MIA2: variants seen among roughly 807,000 people sequenced by gnomAD.
MIA2 encodes the protein MIA SH3 domain ER export factor 2.
MIA2 carries 127 observed loss-of-function variants against 167.8 expected under a neutral mutation model. That is an observed-to-expected ratio of 0.76 (90% confidence interval 0.66 to 0.88). The LOEUF (loss-of-function observed/expected upper bound fraction) is 0.88, where lower values mean the gene tolerates loss of function less well. Among genes scored for constraint, MIA2 ranks in the 40% least tolerant of loss-of-function variants. The pLI, the probability that MIA2 is intolerant of heterozygous loss-of-function variation, is 0.00. For synonymous variants in MIA2, 552 were observed against 541.9 expected (o/e 1.02, Z -0.26); for missense variants, 1,690 against 1,624.7 (o/e 1.04, Z -0.69).
chr14:39,307,985 AAATT>A (rs889066906), intron 17 of MIA2, among the ~76,000 whole-genome samples: 5 of 152,160 alleles, frequency 3.3e-5, no homozygotes, highest in African/African-American at 1.2e-4. Flanking sequence ...AGCAGATACA[AAATT>A]ATAACTAGAT....
In MIA2 at chr14:39,348,967, TC is replaced by T; in HGVS notation, c.4064del (p.Pro1355HisfsTer4). ...PGDFPGPPPA[P>X]FAMRNVYPPR... ...GGGATTTCCCAGGTCCACCACCTGC[TC>T]CATTTGCAAGTATGCTTTTTTAAAC... On this transcript the variant is annotated frameshift_variant, in exon 28 of 29. Transcript: ENST00000640607. LOFTEE classifies it high-confidence loss of function. 6.2e-7 allele frequency: 1 copy of T among 1,613,146 alleles called. No individual in the cohort carries two copies.
At chr14:39,285,782 G>A (rs1273587109) in intron 9 of MIA2, among the ~76,000 whole-genome samples, 4 of 150,902 alleles carry the variant, frequency 2.7e-5, no homozygotes, top group Non-Finnish European at 5.9e-5. Flanking sequence ...GCTGCCGGGC[G>A]GAGGGGCTCC....
At chr14:39,268,252 A>G (rs2056388453) in intron 6 of MIA2, among the ~76,000 whole-genome samples, 1 of 152,126 alleles carries the variant, frequency 6.6e-6, no homozygotes, top group South Asian at 2.1e-4. Context: ...AGACCACTTA[A>G]TTATTGAGGC....
intron 7 of MIA2, among the ~76,000 whole-genome samples, chr14:39,277,518 C>G (rs890537555): frequency 4.7e-5 from 7 of 149,802 alleles, no homozygotes; most frequent in African/African-American, 1.7e-4. Flanking sequence ...AGAGAGAGAC[C>G]CTGTCTCAAA....
intron 26 of MIA2, 63 bp from the exon 27 acceptor site, chr14:39,347,650 G>T: frequency 6.5e-7 from 1 of 1,544,428 alleles, no homozygotes; most frequent in Non-Finnish European, 8.9e-7. Context: ...TTTGTGATCT[G>T]GAGATACTCT....
Position 39,277,744 on chromosome 14 carries a change from GTGTGTA to G in MIA2, c.2019+681_2019+686del, listed in dbSNP as rs1197541393. ...TGTATATATATATATATATATATATGTGTGTATATATATATATATATATATATATAT... is the reference window on the plus strand; with the variant it reads ...TGTATATATATATATATATATATATGTATATATATATATATATATATATAT... On this transcript the variant is annotated intron_variant, in intron 7 of 28. Coordinates refer to ENST00000640607, the MANE Select transcript of MIA2 (RefSeq NM_001329214.4). 1.8e-3 allele frequency among the ~76,000 whole-genome samples: 4 copies of G among 2,200 alleles called. 2 individuals carry two copies. The highest frequency in any genetic ancestry group is 6.5e-3 in the African/African-American group (4 of 620). The allele number at this position is 2,200 out of a possible 152,430, so 1.4% of individuals were successfully genotyped here.
At chr14:39,305,377 C>A (rs996127675) in intron 17 of MIA2, among the ~76,000 whole-genome samples, 2 of 152,184 alleles carry the variant, frequency 1.3e-5, no homozygotes, top group African/African-American at 4.8e-5. Context: ...GCCAGAGTGG[C>A]AAGGAAATTT....
intron 9 of MIA2, among the ~76,000 whole-genome samples, chr14:39,288,050 T>A (rs966390878): frequency 5.3e-5 from 8 of 152,172 alleles, no homozygotes; most frequent in African/African-American, 1.7e-4. Flanking sequence ...TTTTGCCATG[T>A]TGCACAGGCT....
intron 23 of MIA2, among the ~76,000 whole-genome samples, chr14:39,356,404 C>G (rs60921042): frequency 0.023 from 3,069 of 136,082 alleles, 106 homozygotes; most frequent in African/African-American, 0.084. Flanking sequence ...GTGATCTCCC[C>G]TTTATCATTT....
intron 9 of MIA2, among the ~76,000 whole-genome samples, chr14:39,281,590 C>T (rs1443538894): frequency 6.7e-6 from 1 of 149,404 alleles, no homozygotes; most frequent in Non-Finnish European, 1.5e-5. Flanking sequence ...ACACATTATG[C>T]TCTCTTATTT....
At chr14:39,366,025 G>A (rs939472966) in intron 23 of MIA2, among the ~76,000 whole-genome samples, 1 of 152,150 alleles carries the variant, frequency 6.6e-6, no homozygotes, top group Non-Finnish European at 1.5e-5. Flanking sequence ...GTTGGGTAGG[G>A]CACTTTAGCT....
intron 6 of MIA2, chr14:39,267,371 C>T (rs1200750163): frequency 1.3e-6 from 2 of 1,593,432 alleles, no homozygotes; most frequent in African/African-American, 1.4e-5. Flanking sequence ...GATTCGGGTT[C>T]CGGACCGAAG....
chr14:39,268,591 G>A lies in MIA2; in HGVS notation c.1888-8343G>A, dbSNP rs116721474. 9.0e-3 allele frequency among the ~76,000 whole-genome samples: 1,374 copies of A among 152,302 alleles called. 23 individuals carry two copies. Among genetic ancestry groups the A allele is most frequent in the African/African-American group, 0.032 (1,309 of 41,550 alleles). On this transcript the variant is annotated intron_variant, in intron 6 of 28. Coordinates refer to ENST00000640607, the MANE Select transcript of MIA2 (RefSeq NM_001329214.4). ...GTGATGGGCAATGATGCTTGCCGGA[G>A]ATGTAAGTAGGTTCCAAGTGCTGTA... is the stretch of plus-strand genomic sequence containing the variant.
At chr14:39,365,146 A>G (rs1289214488) in intron 23 of MIA2, among the ~76,000 whole-genome samples, 1 of 151,958 alleles carries the variant, frequency 6.6e-6, no homozygotes, top group Non-Finnish European at 1.5e-5. Flanking sequence ...GTTCACTGCA[A>G]CTTCCACCTC....
At position 39,291,030 on chromosome 14, in the gene MIA2, T is replaced by C. The variant is rs1254175726; in HGVS notation, c.2142T>C (p.Tyr714=). ...TTGCTTTGTTTCAGTATGAAGGCTA[T>C]GAAGTAGAGTCATCTTTAAAGGATG... ...FSLVQKEYEG[Y]EVESSLKDAS... is the part of the protein sequence containing the mutation. The change falls in exon 10 of 29, where the codon TAT becomes TAC. Residue 714 remains tyrosine, a synonymous_variant. Transcript: ENST00000640607. 6 of 1,607,282 alleles carry C rather than the reference T, an allele frequency of 3.7e-6. No individual in the cohort carries two copies. Among genetic ancestry groups the C allele is most frequent in the South Asian group, 1.1e-5 (1 of 89,238 alleles).
chr14:39,346,124 A>G, intron 26 of MIA2, 98 bp downstream of exon 26: 1 of 1,006,558 alleles, frequency 9.9e-7, no homozygotes. Flanking sequence ...TATCTCTAGT[A>G]GTTCCTAAGG....
rs1356242212 is a variant in MIA2, at chr14:39,267,521, G to A, written c.1888-9413G>A. The A allele has an allele frequency of 1.2e-6, 2 of 1,613,580 alleles. No individual in the cohort carries two copies. The highest frequency in any genetic ancestry group is 1.7e-6 in the Non-Finnish European group (2 of 1,179,948). On this transcript the variant is annotated intron_variant, in intron 6 of 28. Transcript: ENST00000640607. Reference sequence around the variant, plus strand: ...GGGCTGCTCCTGGAGGAGCTACGCAGGGTGAGCCCAGGCGCGATGAGTGTT... The same window carrying A: ...GGGCTGCTCCTGGAGGAGCTACGCAAGGTGAGCCCAGGCGCGATGAGTGTT...
intron 2 of MIA2, among the ~76,000 whole-genome samples, chr14:39,238,537 G>A (rs556843038): frequency 6.6e-6 from 1 of 151,788 alleles, no homozygotes; most frequent in African/African-American, 2.4e-5. Context: ...GCTCATGCCT[G>A]TAATATCAGC....
intron 25 of MIA2, 105 bp from the exon 26 acceptor site, chr14:39,345,799 T>G: frequency 2.3e-6 from 2 of 872,652 alleles, no homozygotes; most frequent in Non-Finnish European, 3.5e-6. Flanking sequence ...ATGATGAGTT[T>G]AAGTGTTAGA....
Sources: allele counts gnomAD v4.1 joint callset (sites outside exome capture counted in the v4.1 genomes callset), GRCh38; gene constraint gnomAD v4.1.1; transcripts MANE v1.5; gene names NCBI Gene and HGNC (gene_info 2026-07-23, HGNC 2026-07-21).